NCAM2: variants seen among roughly 807,000 people sequenced by gnomAD.
NCAM2 encodes the protein neural cell adhesion molecule 2, also known as N-CAM-2.
NCAM2 carries 30 observed loss-of-function variants against 98.1 expected under a neutral mutation model. The observed-to-expected ratio is 0.31, with a 90% CI of 0.23 to 0.41. The LOEUF (loss-of-function observed/expected upper bound fraction) is 0.41, where lower values mean the gene tolerates loss of function less well. NCAM2 is among the 10% of genes least tolerant of loss of function. The pLI, the probability that NCAM2 is intolerant of heterozygous loss-of-function variation, is 1.00. For synonymous variants in NCAM2, 368 were observed against 342.4 expected (o/e 1.07, Z -0.83); for missense variants, 867 against 1,005.8 (o/e 0.86, Z 1.87).
At chr21:21,486,088 G>T (rs1409475198) in intron 15 of NCAM2, among the ~76,000 whole-genome samples, 1 of 151,986 alleles carries the variant, frequency 6.6e-6, no homozygotes, top group Non-Finnish European at 1.5e-5. Context: ...TGGATCACGA[G>T]GTCAGGAGAT....
chr21:21,014,657 T>G (rs568843074), intron 1 of NCAM2, among the ~76,000 whole-genome samples: 50 of 152,338 alleles, frequency 3.3e-4, no homozygotes, highest in African/African-American at 1.2e-3. Context: ...AGATCAACAT[T>G]GTTTTTATGC....
At chr21:21,431,221 T>C (rs1283338557) in intron 11 of NCAM2, among the ~76,000 whole-genome samples, 1 of 151,342 alleles carries the variant, frequency 6.6e-6, no homozygotes, top group Non-Finnish European at 1.5e-5. Flanking sequence ...TCAGATGTGA[T>C]AGGAACAAAA....
chr21:21,033,013 C>T (rs914537889), intron 1 of NCAM2, among the ~76,000 whole-genome samples: 27 of 150,720 alleles, frequency 1.8e-4, no homozygotes, highest in Non-Finnish European at 8.8e-5. Context: ...GGTATGATCT[C>T]GGCTAACTGC....
At chr21:21,228,501 ATAT>A (rs1224295016) in intron 1 of NCAM2, among the ~76,000 whole-genome samples, 1 of 151,490 alleles carries the variant, frequency 6.6e-6, no homozygotes, top group African/African-American at 2.4e-5. Flanking sequence ...TCACAATGAA[ATAT>A]TATATACTGG....
chr21:21,202,616 A>G (rs926758473), intron 1 of NCAM2, among the ~76,000 whole-genome samples: 1 of 151,836 alleles, frequency 6.6e-6, no homozygotes. Context: ...GGGTTTCACC[A>G]TGTTGGTCAG....
At chr21:21,393,486 G>A (rs148330044) in intron 9 of NCAM2, among the ~76,000 whole-genome samples, 2,569 of 152,100 alleles carry the variant, frequency 0.017, 31 homozygotes, top group Non-Finnish European at 0.026. Context: ...TCTTATGACT[G>A]TTTATTTTAA....
At chr21:21,126,365 A>AT (rs1205762988) in intron 1 of NCAM2, among the ~76,000 whole-genome samples, 4 of 150,994 alleles carry the variant, frequency 2.6e-5, no homozygotes, top group Admixed American at 6.6e-5. Context: ...ATCCAAACAA[A>AT]TTTTTTTTTG....
At chr21:21,525,730 T>G (rs1204882291) in intron 16 of NCAM2, among the ~76,000 whole-genome samples, 2 of 152,098 alleles carry the variant, frequency 1.3e-5, no homozygotes, top group African/African-American at 4.8e-5. Context: ...GCCAATATCT[T>G]TCTAAACATA....
intron 15 of NCAM2, among the ~76,000 whole-genome samples, chr21:21,479,583 CAAAAAAAAAAAAA>C (rs1156588500): frequency 3.2e-5 from 1 of 30,968 alleles, no homozygotes. Flanking sequence ...GACTGCGTCT[CAAAAAAAAAAAAA>C]AAAAAAAAAA....
intron 1 of NCAM2, among the ~76,000 whole-genome samples, chr21:21,036,649 T>C (rs529314803): frequency 2.0e-5 from 3 of 151,406 alleles, no homozygotes; most frequent in Non-Finnish European, 3.0e-5. Context: ...GAGTAAATGA[T>C]TTTCAGGGGA....
At chr21:21,319,608 T>C (rs1334570512) in intron 5 of NCAM2, among the ~76,000 whole-genome samples, 2 of 152,140 alleles carry the variant, frequency 1.3e-5, no homozygotes, top group East Asian at 3.9e-4. Context: ...ACCACTGCAC[T>C]CCAGCCTGTC....
intron 1 of NCAM2, among the ~76,000 whole-genome samples, chr21:21,217,150 G>C (rs1472452222): frequency 6.6e-6 from 1 of 152,146 alleles, no homozygotes; most frequent in Non-Finnish European, 1.5e-5. Context: ...TGGTATGTGA[G>C]ACAGTCAGAC....
In NCAM2 at chr21:21,532,614, C is replaced by A. The variant is rs533832142; in HGVS notation, c.2283-1923C>A. ...CTCTCTGCATTGTGCTTTAGTTCAT[C>A]GTATATTTGTACCAATTGTTAATAT... is the stretch of plus-strand genomic sequence containing the variant. On this transcript the variant is annotated intron_variant, in intron 16 of 17. Coordinates refer to ENST00000400546, the MANE Select transcript of NCAM2 (RefSeq NM_004540.5). Among the ~76,000 whole-genome samples the A allele has an allele frequency of 8.1e-4, 123 of 152,178 alleles. 1 individual carries two copies. The highest frequency in any genetic ancestry group is 2.8e-3 in the African/African-American group (115 of 41,536).
intron 11 of NCAM2, among the ~76,000 whole-genome samples, chr21:21,422,632 A>G (rs1294040900): frequency 5.9e-5 from 9 of 152,046 alleles, no homozygotes; most frequent in African/African-American, 9.7e-5. Context: ...TAATCTTTCT[A>G]TGTTGTTACA....
chr21:21,003,328 A>G (rs1236882062), intron 1 of NCAM2, among the ~76,000 whole-genome samples: 1 of 152,188 alleles, frequency 6.6e-6, no homozygotes, highest in Non-Finnish European at 1.5e-5. Context: ...GAAGAATTTC[A>G]GGTCCATTGA....
chr21:21,219,708 T>C (rs1414190702), intron 1 of NCAM2, among the ~76,000 whole-genome samples: 1 of 152,204 alleles, frequency 6.6e-6, no homozygotes, highest in Non-Finnish European at 1.5e-5. Flanking sequence ...TTTCTACTTG[T>C]TAAAAAAAGT....
At chr21:21,467,770 GA>G (rs1983912278) in intron 13 of NCAM2, among the ~76,000 whole-genome samples, 1 of 143,942 alleles carries the variant, frequency 6.9e-6, no homozygotes, top group African/African-American at 2.6e-5. Flanking sequence ...GAGGTGAGAA[GA>G]TCACCTGAGT....
intron 1 of NCAM2, among the ~76,000 whole-genome samples, chr21:21,238,592 AT>A (rs1180570812): frequency 7.0e-6 from 1 of 143,638 alleles, no homozygotes; most frequent in Non-Finnish European, 1.5e-5. Flanking sequence ...ATATATTTTT[AT>A]TTTTAATTAA....
intron 15 of NCAM2, among the ~76,000 whole-genome samples, chr21:21,491,141 C>G (rs1056103428): frequency 2.0e-5 from 3 of 151,800 alleles, no homozygotes; most frequent in Non-Finnish European, 3.0e-5. Flanking sequence ...ACCCATACAT[C>G]ATCAGCAGAT....
Sources: allele counts gnomAD v4.1 joint callset (sites outside exome capture counted in the v4.1 genomes callset), GRCh38; gene constraint gnomAD v4.1.1; transcripts MANE v1.5; gene names NCBI Gene and HGNC (gene_info 2026-07-23, HGNC 2026-07-21).